Variants in PDLIM2 observed in about 807,000 individuals in gnomAD.
PDLIM2 encodes the protein PDZ and LIM domain 2, also known as PDZ and LIM domain protein 2.
In PDLIM2, 51 loss-of-function variants were observed where a neutral mutation model predicts 54.1. That is an observed-to-expected ratio of 0.94 (90% CI 0.75 to 1.19). The LOEUF (loss-of-function observed/expected upper bound fraction) is 1.19. Ranked by LOEUF, PDLIM2 falls within the 50% of genes most tolerant of loss-of-function variation. The pLI, the probability that PDLIM2 is intolerant of heterozygous loss-of-function variation, is 0.00. For missense variants in PDLIM2, 912 were observed against 874.0 expected (o/e 1.04, Z -0.55); for synonymous variants, 398 against 385.6 (o/e 1.03, Z -0.38).
At chr8:22,580,423 T>C in intron 1 of PDLIM2, 52 bp from the exon 1 acceptor site, 1 of 1,408,804 alleles carries the variant, frequency 7.1e-7, no homozygotes, top group Non-Finnish European at 9.3e-7. Context: ...TGGGGGGAAG[T>C]GAAACCGGGC....
At chr8:22,585,483 C>T (rs777954794) in intron 6 of PDLIM2, 84 bp downstream of exon 5, 14 of 1,350,428 alleles carry the variant, frequency 1.0e-5, no homozygotes, top group South Asian at 3.9e-5. Flanking sequence ...GGACTGCAGG[C>T]GGCCAGGCCC....
chr8:22,579,532 G>A, intron 1 of PDLIM2: 1 of 1,468,812 alleles, frequency 6.8e-7, no homozygotes, highest in Non-Finnish European at 9.0e-7. Flanking sequence ...TCAAAGGTCT[G>A]GGAATCTCGG....
exon 7 of PDLIM2, chr8:22,589,315 T>C (rs1307389364): frequency 2.6e-6 from 4 of 1,534,122 alleles, no homozygotes; most frequent in Admixed American, 3.9e-5. Flanking sequence ...TCGGCCGCGC[T>C]GGCGACTCGG....
downstream of PDLIM2, chr8:22,596,824 G>A (rs1800692945): frequency 6.6e-6 from 1 of 152,212 alleles, no homozygotes; most frequent in Non-Finnish European, 1.5e-5. Context: ...CACAACCCGA[G>A]ATAGGTACTG....
chr8:22,592,077 C>CTTTTTTTTTTTTTTTTTTTTTTTTCTTTT (rs60908593), intron 9 of PDLIM2: 1 of 95,188 alleles, frequency 1.1e-5, no homozygotes, highest in Non-Finnish European at 1.9e-5. Flanking sequence ...TCTTTCTTTT[C>CTTTTTTTTTTTTTTTTTTTTTTTTCTTTT]TTTTTTTTTT....
intron 1 of PDLIM2, 51 bp from the exon 1 acceptor site, chr8:22,580,424 G>A (rs952311319): frequency 7.1e-7 from 1 of 1,414,876 alleles, no homozygotes; most frequent in East Asian, 2.6e-5. Flanking sequence ...GGGGGGAAGT[G>A]AAACCGGGCT....
chr8:22,580,449 G>C, intron 1 of PDLIM2, 26 bp from the exon 1 acceptor site: 1 of 1,481,710 alleles, frequency 6.7e-7, no homozygotes. Context: ...GAGGGAGTTA[G>C]CCACTTCCTC....
chr8:22,594,113 C>A (rs1800630675), exon 10 of PDLIM2: 2 of 1,427,598 alleles, frequency 1.4e-6, no homozygotes, highest in Non-Finnish European at 9.1e-7. Context: ...AGGCCTCTCC[C>A]CTGCAGGACT....
chr8:22,580,308 C>T (rs757192355), intron 1 of PDLIM2, 167 bp from the exon 1 acceptor site: 3 of 488,184 alleles, frequency 6.1e-6, no homozygotes, highest in Non-Finnish European at 1.1e-5. Context: ...GCCCCCCATG[C>T]TCCAGCAAGC....
chr8:22,581,232 TG>T, intron 2 of PDLIM2, 146 bp from the exon 2 acceptor site: 1 of 1,020,366 alleles, frequency 9.8e-7, no homozygotes, highest in Non-Finnish European at 1.4e-6. Flanking sequence ...GCTGATCAGC[TG>T]GGTGTCATGA....
intron 6 of PDLIM2, among the ~76,000 whole-genome samples, chr8:22,587,390 G>A (rs1263401180): frequency 6.6e-6 from 1 of 152,102 alleles, no homozygotes; most frequent in East Asian, 1.9e-4. Flanking sequence ...GCTTATACTT[G>A]AGAGTCTTAA....
At chr8:22,586,949 C>T (rs1017128076) in intron 6 of PDLIM2, among the ~76,000 whole-genome samples, 1 of 152,144 alleles carries the variant, frequency 6.6e-6, no homozygotes, top group African/African-American at 2.4e-5. Context: ...TCACTTGGGT[C>T]GGTCCCACCT....
exon 4 of PDLIM2, chr8:22,584,886 T>C (rs768390850): frequency 1.7e-5 from 27 of 1,614,006 alleles, no homozygotes; most frequent in Admixed American, 8.3e-5. Flanking sequence ...GCGACTCGCT[T>C]CCAGGTAAGC....
At chr8:22,579,861 C>T (rs562894220) in intron 1 of PDLIM2, 6 of 273,328 alleles carry the variant, frequency 2.2e-5, no homozygotes, top group Admixed American at 5.2e-5. Context: ...CCTGTCACCC[C>T]GGCTGTCTGT....
rs777901034 is a variant in PDLIM2 at position 22,581,403 on chromosome 8, G to A, written c.868G>A (p.Asp290Asn). 86 of 1,606,554 alleles carry A rather than the reference G, an allele frequency of 5.4e-5. No individual in the cohort carries two copies. The South Asian group carries it at 5.7e-4, about 11-fold the overall frequency. ...GGTGGCCGAGCGGGGCAAAGCCAAG[G>A]ACGCTGACCTCCGGCCTGGAGACAT... Residue 290 changes from aspartate (D) to asparagine (N), a missense_variant, in exon 3 of 10, where the codon GAC becomes AAC. Asp to Asn is a conservative substitution (Grantham distance 23). Coordinates refer to ENST00000308354, the Ensembl canonical transcript of PDLIM2.
exon 5 of PDLIM2, chr8:22,585,139 T>C (rs1389252557): frequency 1.2e-6 from 2 of 1,613,346 alleles, no homozygotes; most frequent in Non-Finnish European, 1.7e-6. Flanking sequence ...GCTCCCTCAC[T>C]GGAGAGGCAG....
At chr8:22,583,176 G>GCT (rs2117342288) in intron 3 of PDLIM2, among the ~76,000 whole-genome samples, 1 of 152,268 alleles carries the variant, frequency 6.6e-6, no homozygotes, top group South Asian at 2.1e-4. Context: ...CAGGGCTCCA[G>GCT]CTGGGTTCCA....
At chr8:22,589,498 T>TCCTCC in intron 7 of PDLIM2, 98 bp from the exon 7 acceptor site, 1 of 1,522,566 alleles carries the variant, frequency 6.6e-7, no homozygotes, top group Non-Finnish European at 8.9e-7. Context: ...CCTCCCAGAT[T>TCCTCC]CCTCCCCCTC....
At chr8:22,589,197 C>A in intron 6 of PDLIM2, 101 bp from the exon 6 acceptor site, 1 of 1,281,156 alleles carries the variant, frequency 7.8e-7, no homozygotes, top group Non-Finnish European at 1.1e-6. Context: ...GGGCCGGGGG[C>A]CCCCTGGTGT....
Sources: allele counts gnomAD v4.1 joint callset (sites outside exome capture counted in the v4.1 genomes callset), GRCh38; gene constraint gnomAD v4.1.1; transcripts MANE v1.5; gene names NCBI Gene and HGNC (gene_info 2026-07-23, HGNC 2026-07-21).